The following TCOF1 variants were observed in gnomAD, a reference collection of about 807,000 sequenced individuals.
TCOF1 encodes treacle protein.
A neutral mutation model predicts 149.0 loss-of-function variants in TCOF1; 33 were observed. The ratio of observed to expected loss-of-function variants is 0.22; its 90% CI spans 0.17 to 0.30. The LOEUF (loss-of-function observed/expected upper bound fraction) is 0.30. TCOF1 is among the 10% of genes least tolerant of loss of function. The pLI is 1.00. For missense variants in TCOF1, 1,728 were observed against 1,840.7 expected (o/e 0.94, Z 1.12); for synonymous variants, 789 against 738.8 (o/e 1.07, Z -1.10).
At position 150,375,080 on chromosome 5, in the gene TCOF1, G is replaced by T. The variant is rs1473893005; in HGVS notation, c.1405G>T (p.Gly469Trp). ...GCCTGCAGCCGCCCAGGTCCAGGTG[G>T]GGAAGCAGGAGGAGGACTCAAGAAG... Reference protein sequence around the residue: ...TGPAAAQVQVGKQEEDSRSSS... With the variant: ...TGPAAAQVQVWKQEEDSRSSS... The change falls in exon 10 of 27, where the codon GGG (glycine) becomes TGG (tryptophan). Residue 469 changes from glycine (G) to tryptophan (W), a missense_variant. Gly to Trp is a radical substitution (Grantham distance 184). Transcript: ENST00000643257. The T allele has an allele frequency of 6.2e-7, 1 of 1,614,102 alleles. No homozygotes were observed. Among genetic ancestry groups the T allele is most frequent in the Non-Finnish European group, 8.5e-7 (1 of 1,180,056 alleles).
At chr5:150,384,910 G>T in intron 17 of TCOF1, 1 of 985,432 alleles carries the variant, frequency 1.0e-6, no homozygotes, top group Non-Finnish European at 1.2e-6. Context: ...AGGGATTGAG[G>T]CCAGGGTGGT....
In TCOF1 at chr5:150,396,821, GAGA is replaced by G. The variant is rs574569798; in HGVS notation, c.4332_4334del (p.Lys1445del). 5,513 of 1,605,566 alleles carry G rather than the reference GAGA, an allele frequency of 3.4e-3. 13 individuals carry two copies. Among genetic ancestry groups the G allele is most frequent in the Non-Finnish European group, 3.8e-3 (4,424 of 1,176,444 alleles). On this transcript the variant is annotated inframe_deletion, in exon 24 of 27. Coordinates refer to ENST00000643257, the MANE Select transcript of TCOF1 (RefSeq NM_001371623.1). ...TCAAAGCAACCCAAAGAGCAAGAAG[GAGA>G]AGAAGAAATCCGACAAGAGTGAGTG...
intron 17 of TCOF1, chr5:150,380,678 G>A (rs1368477683): frequency 1.3e-5 from 2 of 152,244 alleles, no homozygotes; most frequent in Non-Finnish European, 2.9e-5. Flanking sequence ...CAAGGCACAG[G>A]TGTGTGATGG....
At chr5:150,375,192 T>C in intron 10 of TCOF1, 29 bp downstream of exon 10, 1 of 1,612,696 alleles carries the variant, frequency 6.2e-7, no homozygotes, top group Non-Finnish European at 8.5e-7. Context: ...CTGCATGGCC[T>C]GTGCCCTGCC....
Position 150,391,952 on chromosome 5 carries a change from A to G in TCOF1, c.3298-5A>G. ...CTTCCATTCCTTCTCCTTTCACCGA[A>G]TTAGGTTGACAGTGCTGTGGGAACA... is the stretch of plus-strand genomic sequence containing the variant. On this transcript the variant is annotated splice_polypyrimidine_tract_variant and splice_region_variant and intron_variant, in intron 20 of 26. Coordinates refer to ENST00000643257, the MANE Select transcript of TCOF1 (RefSeq NM_001371623.1). 6.2e-7 allele frequency: 1 copy of G among 1,614,134 alleles called. No homozygotes were observed. Among genetic ancestry groups the G allele is most frequent in the Non-Finnish European group, 8.5e-7 (1 of 1,180,002 alleles).
chr5:150,376,374 G>T, intron 13 of TCOF1, 44 bp downstream of exon 13: 2 of 1,614,156 alleles, frequency 1.2e-6, no homozygotes, highest in Non-Finnish European at 1.7e-6. Context: ...CCGCCCCTAC[G>T]TGGTCCTTTG....
intron 17 of TCOF1, chr5:150,384,054 C>G: frequency 7.5e-7 from 1 of 1,334,508 alleles, no homozygotes; most frequent in Admixed American, 3.2e-5. Flanking sequence ...GTCCCAGGGC[C>G]TAACCACAGA....
intron 19 of TCOF1, among the ~76,000 whole-genome samples, chr5:150,391,242 T>A (rs1027181826): frequency 6.6e-6 from 1 of 152,200 alleles, no homozygotes. Context: ...TCTCCCTGAC[T>A]GCTAGTGGTT....
At chr5:150,363,072 A>G (rs1760530210) in intron 2 of TCOF1, among the ~76,000 whole-genome samples, 1 of 152,152 alleles carries the variant, frequency 6.6e-6, no homozygotes, top group South Asian at 2.1e-4. Flanking sequence ...ACAGTGCTCC[A>G]TATAAAGTGC....
chr5:150,391,562 G>T lies in TCOF1; in HGVS notation c.3202G>T (p.Ala1068Ser). Reference protein sequence around the residue: ...PATQVSKKNPASLPLTQAALK... With the variant: ...PATQVSKKNPSSLPLTQAALK... ...CCCACAGGTGTCAAAGAAGAACCCAGCTTCCCTCCCACTGACCCAGGCTGC... is the reference window on the plus strand; with the variant it reads ...CCCACAGGTGTCAAAGAAGAACCCATCTTCCCTCCCACTGACCCAGGCTGC... Residue 1068 changes from alanine to serine, a missense_variant, in exon 20 of 27, where the codon GCT becomes TCT. Ala to Ser is a moderately conservative substitution (Grantham distance 99). Coordinates refer to ENST00000643257, the MANE Select transcript of TCOF1 (RefSeq NM_001371623.1). 6.2e-7 allele frequency: 1 copy of T among 1,614,150 alleles called. No homozygotes were observed. Among genetic ancestry groups the T allele is most frequent in the Non-Finnish European group, 8.5e-7 (1 of 1,180,030 alleles).
At chr5:150,369,002 AG>A (rs1761960312) in intron 5 of TCOF1, 100 bp downstream of exon 5, 15 of 1,491,290 alleles carry the variant, frequency 1.0e-5, no homozygotes, top group Non-Finnish European at 1.4e-5. Context: ...TGGAATCAAA[AG>A]TTTGTCTCCA....
chr5:150,396,435 A>G lies in TCOF1; in HGVS notation c.3938A>G (p.Gln1313Arg), dbSNP rs374889254. ...QPWPLNEAQV[Q>R]ASVVKVLTEL... The stretch of plus-strand genomic sequence containing the variant: ...TGGCCCCTGAATGAGGCCCAGGTGC[A>G]GGCCTCAGTGGTGAAGGTCCTGACT... The change falls in exon 24 of 27, where the codon CAG (glutamine) becomes CGG (arginine). Residue 1313 changes from glutamine to arginine, a missense_variant. Physicochemically the swap from Gln to Arg is conservative, Grantham distance 43. Transcript: ENST00000643257. The G allele has an allele frequency of 2.5e-6, 4 of 1,614,052 alleles. No homozygotes were observed. The highest frequency in any genetic ancestry group is 3.4e-6 in the Non-Finnish European group (4 of 1,180,024).
Position 150,374,666 on chromosome 5 carries a change from C to T in TCOF1, c.1133C>T (p.Ala378Val), listed in dbSNP as rs75181211. 3,207 of 1,613,948 alleles carry T rather than the reference C, an allele frequency of 2.0e-3. 70 individuals carry two copies. The African/African-American group carries it at 0.037, about 19-fold the overall frequency. The change falls in exon 9 of 27, where the codon GCC becomes GTC. Residue 378 changes from alanine to valine, a missense_variant. Physicochemically the swap from Ala to Val is moderately conservative, Grantham distance 64. This residue lies in a region of TCOF1 where 1,696 missense variants were observed against 1,765.4 expected (regional missense o/e 0.96). Transcript: ENST00000643257. Reference sequence around the variant, plus strand: ...CAGGTCGGAGCTGCCTCAGCCCCTGCCAAGGAGTCCCCCAGGAAAGGAGCT... The same window carrying T: ...CAGGTCGGAGCTGCCTCAGCCCCTGTCAAGGAGTCCCCCAGGAAAGGAGCT... ...TSQVGAASAP[A>V]KESPRKGAAP...
At chr5:150,392,974 C>G in intron 22 of TCOF1, 184 bp downstream of exon 22, 1 of 722,924 alleles carries the variant, frequency 1.4e-6, no homozygotes, top group Admixed American at 2.1e-5. Context: ...CAGGCTGCCT[C>G]CGTCCCCTCA....
intron 3 of TCOF1, among the ~76,000 whole-genome samples, chr5:150,365,638 T>C (rs573943280): frequency 6.6e-6 from 1 of 152,128 alleles, no homozygotes; most frequent in Non-Finnish European, 1.5e-5. Flanking sequence ...TCTTACTGAT[T>C]GGCTATTTGG....
intron 18 of TCOF1, among the ~76,000 whole-genome samples, chr5:150,389,603 C>T (rs1766991996): frequency 6.6e-6 from 1 of 152,216 alleles, no homozygotes; most frequent in South Asian, 2.1e-4. Context: ...GTGCTCTGGC[C>T]CATTGCTCAG....
intron 3 of TCOF1, 107 bp from the exon 4 acceptor site, chr5:150,367,737 C>T (rs1761667008): frequency 1.5e-6 from 2 of 1,310,504 alleles, no homozygotes; most frequent in East Asian, 2.4e-5. Context: ...CATGCCAGCA[C>T]CAGGCAGCCA....
At chr5:150,365,994 G>A (rs1047502311) in intron 3 of TCOF1, among the ~76,000 whole-genome samples, 1 of 151,092 alleles carries the variant, frequency 6.6e-6, no homozygotes, top group Non-Finnish European at 1.5e-5. Context: ...GGTGGCGTGT[G>A]CTTGTAGTTT....
Position 150,357,869 on chromosome 5 carries a change from G to C in TCOF1, c.108+15G>C. 6.5e-7 allele frequency: 1 copy of C among 1,548,162 alleles called. No homozygotes were observed. Reference sequence around the variant, plus strand: ...AGAGCGGCCAGGTAAGCGTTCGTGGGCCGTGTGCGAGGGCCGCGTGCAAGA... The same window carrying C: ...AGAGCGGCCAGGTAAGCGTTCGTGGCCCGTGTGCGAGGGCCGCGTGCAAGA... On this transcript the variant is annotated intron_variant, in intron 1 of 26. Transcript: ENST00000643257.
Sources: allele counts gnomAD v4.1 joint callset (sites outside exome capture counted in the v4.1 genomes callset), GRCh38; gene constraint gnomAD v4.1.1; regional missense constraint gnomAD v4.1.1; transcripts MANE v1.5; gene names NCBI Gene and HGNC (gene_info 2026-07-23, HGNC 2026-07-21).